BICRA: variants seen among roughly 807,000 people sequenced by gnomAD.
BICRA encodes the protein BRD4-interacting chromatin-remodeling complex-associated protein.
A neutral mutation model predicts 96.9 loss-of-function variants in BICRA; 31 were observed. The ratio of observed to expected loss-of-function variants is 0.32; its 90% CI spans 0.24 to 0.43. The LOEUF is 0.43. Among genes scored for constraint, BICRA ranks in the 20% least tolerant of loss-of-function variants. BICRA has a pLI of 1.00. For missense variants in BICRA, 2,283 were observed against 2,190.3 expected (o/e 1.04, Z -0.84); for synonymous variants, 1,350 against 1,071.8 (o/e 1.26, Z -5.07).
At chr19:47,608,616 A>G (rs1971844143), upstream of BICRA, among the ~76,000 whole-genome samples, 1 of 151,878 alleles carries the variant, frequency 6.6e-6, no homozygotes, top group South Asian at 2.1e-4. Context: ...GGCTCGAGGC[A>G]GTCGACAAAC....
intron 1 of BICRA, among the ~76,000 whole-genome samples, chr19:47,612,293 T>C (rs1416058893): frequency 6.6e-6 from 1 of 151,798 alleles, no homozygotes; most frequent in Non-Finnish European, 1.5e-5. Flanking sequence ...CACTCACCTG[T>C]GGTCCTAGCT....
rs1177346199 is a variant in BICRA at position 47,701,019 on chromosome 19, C to A, written c.3596-309C>A. 1.7e-5 allele frequency: 7 copies of A among 420,542 alleles called. No individual in the cohort carries two copies. Among genetic ancestry groups the A allele is most frequent in the African/African-American group, 1.5e-4 (7 of 48,142 alleles). 26.1% of individuals were successfully genotyped at this position (420,542 alleles called of 1,614,324 possible). A position where few individuals can be genotyped will look rare whatever the true frequency, so the allele number is the denominator to read the frequency against. ...TCTCAAACTCCTGGGCTCAAGCGAT[C>A]CCCCTCCCTTGGCCTCCCAAAGTGC... On this transcript the variant is annotated intron_variant, in intron 14 of 14. Transcript: ENST00000594866. This position sits in a 1 kb window ranked among gnomAD's most constrained non-coding sequence, Gnocchi z 5.4.
rs1013734738 is a variant in BICRA, at chr19:47,634,825, C to A, written c.-108+25657C>A. Among the ~76,000 whole-genome samples the A allele has an allele frequency of 1.7e-4, 25 of 143,974 alleles. 1 individual carries two copies. The highest frequency in any genetic ancestry group is 4.5e-4 in the South Asian group (2 of 4,494). The allele number at this position is 143,974 out of a possible 152,430, so 94.5% of individuals were successfully genotyped here. On this transcript the variant is annotated intron_variant, in intron 1 of 14. Coordinates refer to ENST00000594866, the MANE Select transcript of BICRA (RefSeq NM_001394372.1). ...TCACCCAGGCTGGAGTGCAGTGGCG[C>A]GATCTCGGCTCACTGCAAGCTCTGC... is the stretch of plus-strand genomic sequence containing the variant.
At chr19:47,628,058 G>A (rs1015902019) in intron 1 of BICRA, among the ~76,000 whole-genome samples, 7 of 152,318 alleles carry the variant, frequency 4.6e-5, no homozygotes, top group Admixed American at 1.3e-4. Context: ...GTGAGCCACC[G>A]CGCCGGGCCA....
At chr19:47,611,744 A>G (rs1971910216) in intron 1 of BICRA, among the ~76,000 whole-genome samples, 1 of 152,132 alleles carries the variant, frequency 6.6e-6, no homozygotes, top group South Asian at 2.1e-4. Context: ...AAGTGGGGGT[A>G]ATTATAGTTC....
intron 1 of BICRA, among the ~76,000 whole-genome samples, chr19:47,614,041 C>T (rs1234789809): frequency 6.6e-6 from 1 of 151,690 alleles, no homozygotes; most frequent in African/African-American, 2.4e-5. Context: ...CAGTTAAGAC[C>T]TTGGGACACA....
In BICRA at chr19:47,681,124, A is replaced by ACCC; in HGVS notation, c.1956_1958dup (p.Pro653dup). On this transcript the variant is annotated inframe_insertion, in exon 6 of 15. Coordinates refer to ENST00000594866, the MANE Select transcript of BICRA (RefSeq NM_001394372.1). Reference sequence around the variant, plus strand: ...GGCGCAGCAGCCCCCGCAGGCCCCCACCCCACAGGCCGCCGCCCCGCCTCA... The same window carrying ACCC: ...GGCGCAGCAGCCCCCGCAGGCCCCCACCCCCCCACAGGCCGCCGCCCCGCCTCA... The ACCC allele has an allele frequency of 1.0e-6, 1 of 970,042 alleles. No individual in the cohort carries two copies. Among genetic ancestry groups the ACCC allele is most frequent in the Non-Finnish European group, 1.3e-6 (1 of 761,754 alleles). The allele number at this position is 970,042 out of a possible 1,614,324, so 60.1% of individuals were successfully genotyped here. A position where few individuals can be genotyped will look rare whatever the true frequency, so the allele number is the denominator to read the frequency against.
At chr19:47,646,793 A>AT (rs1462908997) in intron 1 of BICRA, among the ~76,000 whole-genome samples, 1 of 152,176 alleles carries the variant, frequency 6.6e-6, no homozygotes, top group Non-Finnish European at 1.5e-5. Flanking sequence ...TAACAGCTTT[A>AT]TTGAGATATA....
At chr19:47,700,076 A>C (rs891803014) in intron 14 of BICRA, 4 of 152,410 alleles carry the variant, frequency 2.6e-5, no homozygotes, top group African/African-American at 9.7e-5. Context: ...TGAAGTCTCT[A>C]GGGTAGGAGA....
chr19:47,663,089 G>A (rs1432740791), intron 1 of BICRA: 1 of 152,210 alleles, frequency 6.6e-6, no homozygotes, highest in East Asian at 1.9e-4. Flanking sequence ...CCCATGAAGA[G>A]TTATGAAGAG....
At position 47,701,935 on chromosome 19, in the gene BICRA, G is replaced by A. The variant is rs1381620790; in HGVS notation, c.4203G>A (p.Pro1401=). ...AGAACGTGGGGGGCCCTGGCGCGCC[G>A]GAGGGGACGCCCGCAGGCAGGGCAC... ...YRENVGGPGA[P]EGTPAGRARG... The change falls in exon 15 of 15, where the codon CCG becomes CCA. Residue 1401 remains proline, a synonymous_variant. Coordinates refer to ENST00000594866, the MANE Select transcript of BICRA (RefSeq NM_001394372.1). The surrounding 1 kb of genome is among the most constrained non-coding windows in gnomAD (Gnocchi z 5.4). 8 of 1,434,918 alleles carry A rather than the reference G, an allele frequency of 5.6e-6. No homozygotes were observed. Among genetic ancestry groups the A allele is most frequent in the South Asian group, 4.2e-5 (3 of 71,826 alleles). The allele number at this position is 1,434,918 out of a possible 1,614,324, so 88.9% of individuals were successfully genotyped here.
intron 1 of BICRA, among the ~76,000 whole-genome samples, chr19:47,669,507 T>C (rs1972831083): frequency 6.6e-6 from 1 of 151,990 alleles, no homozygotes; most frequent in South Asian, 2.1e-4. Context: ...GTAAATGACA[T>C]AGTATAATGT....
intron 1 of BICRA, among the ~76,000 whole-genome samples, chr19:47,644,532 A>C (rs1599810005): frequency 4.2e-5 from 5 of 118,472 alleles, no homozygotes; most frequent in East Asian, 2.5e-4. Context: ...ATGGAATCTC[A>C]CTCTGTCACT....
At chr19:47,684,569 C>T (rs1973116780) in intron 7 of BICRA, among the ~76,000 whole-genome samples, 1 of 152,198 alleles carries the variant, frequency 6.6e-6, no homozygotes, top group Non-Finnish European at 1.5e-5. Context: ...ATCCACCCAC[C>T]TCAGCCTCCC....
At position 47,679,251 on chromosome 19, in the gene BICRA, G is replaced by A. The variant is rs2914439; in HGVS notation, c.151-70G>A. 472,987 of 1,155,554 alleles carry A rather than the reference G, an allele frequency of 0.41. 99,453 individuals carry two copies. Among genetic ancestry groups the A allele is most frequent in the East Asian group, 0.67 (21,878 of 32,496 alleles). The allele number at this position is 1,155,554 out of a possible 1,614,324, so 71.6% of individuals were successfully genotyped here. ...GCCCTGTCACCTCAGCATTCTTTGC[G>A]GCAGCTGTGGCCTAAGCGTAGCCCC... On this transcript the variant is annotated intron_variant, in intron 5 of 14. Coordinates refer to ENST00000594866, the MANE Select transcript of BICRA (RefSeq NM_001394372.1).
At position 47,695,402 on chromosome 19, in the gene BICRA, T is replaced by C. The variant is rs1323566409; in HGVS notation, c.3114T>C (p.Phe1038=). The change falls in exon 10 of 15, where the codon TTT becomes TTC. Residue 1038 remains phenylalanine (F), a synonymous_variant. Coordinates refer to ENST00000594866, the MANE Select transcript of BICRA (RefSeq NM_001394372.1). ...TGCTTCCAGCCGAGAACAAGGCTTT[T>C]GCCAGCAACCTCCCGACCCTGAATG... ...PPLLPAENKA[F]ASNLPTLNVA... 6.4e-7 allele frequency: 1 copy of C among 1,561,358 alleles called. No individual in the cohort carries two copies. The highest frequency in any genetic ancestry group is 1.8e-5 in the Admixed American group (1 of 56,936).
intron 11 of BICRA, 147 bp downstream of exon 11, chr19:47,696,659 A>G (rs1973348191): frequency 1.4e-6 from 1 of 691,290 alleles, no homozygotes; most frequent in East Asian, 2.9e-5. Flanking sequence ...TCCCTCATAG[A>G]CCCTCAGTTT....
intron 7 of BICRA, among the ~76,000 whole-genome samples, chr19:47,684,071 T>G (rs1307204561): frequency 8.5e-5 from 13 of 152,220 alleles, no homozygotes; most frequent in Admixed American, 8.5e-4. Context: ...AACCAGTTTT[T>G]CATTCCATCA....
At position 47,681,069 on chromosome 19, in the gene BICRA, A is replaced by T; in HGVS notation, c.1899A>T (p.Thr633=). The stretch of plus-strand genomic sequence containing the variant: ...CCCAGGCGCCCCCCGCGGTCAGCAC[A>T]CCCCTGCCCCTGGGCCTCCAGCAGC... The part of the protein sequence containing the change: ...PAPQAPPAVS[T]PLPLGLQQPQ... The change falls in exon 6 of 15, where the codon ACA becomes ACT. Residue 633 remains threonine, a synonymous_variant. Transcript: ENST00000594866. 1 of 1,409,568 alleles carries T rather than the reference A, an allele frequency of 7.1e-7. No homozygotes were observed. The highest frequency in any genetic ancestry group is 9.2e-7 in the Non-Finnish European group (1 of 1,084,180). 87.3% of individuals were successfully genotyped at this position (1,409,568 alleles called of 1,614,324 possible).
Sources: gnomAD v4.1 joint callset for allele counts (sites outside exome capture counted in the v4.1 genomes callset) on GRCh38, gnomAD v4.1.1 for gene constraint, Gnocchi (gnomAD v3.1) non-coding constraint, MANE v1.5 for transcripts, NCBI Gene and HGNC (gene_info 2026-07-23, HGNC 2026-07-21) for gene names.